The following LRP12 variants were observed in gnomAD, a reference collection of about 807,000 sequenced individuals.
LRP12 encodes the protein low-density lipoprotein receptor-related protein 12.
In LRP12, 14 loss-of-function variants were observed where a neutral mutation model predicts 66.0. The ratio of observed to expected loss-of-function variants is 0.21; its 90% CI spans 0.14 to 0.33. LRP12 has a LOEUF of 0.33. LRP12 is among the 10% of genes least tolerant of loss of function. LRP12 has a pLI of 1.00. For missense variants in LRP12, 889 were observed against 1,053.4 expected (o/e 0.84, Z 2.16); for synonymous variants, 357 against 359.1 (o/e 0.99, Z 0.07).
At chr8:104,570,571 C>A (rs1053460107) in intron 1 of LRP12, among the ~76,000 whole-genome samples, 7 of 152,080 alleles carry the variant, frequency 4.6e-5, no homozygotes, top group African/African-American at 1.7e-4. Flanking sequence ...GGTGGTTATC[C>A]ATATGCAAAA....
chr8:104,496,236 C>T (rs2140831197), intron 5 of LRP12: 1 of 152,324 alleles, frequency 6.6e-6, no homozygotes, highest in African/African-American at 2.4e-5. Context: ...TACAACAGGA[C>T]ATTAGTCTTG....
chr8:104,524,576 G>T (rs900829822), intron 2 of LRP12, among the ~76,000 whole-genome samples: 1 of 152,042 alleles, frequency 6.6e-6, no homozygotes, highest in Non-Finnish European at 1.5e-5. Context: ...AAGGCTAAGG[G>T]AAAAATGTAC....
chr8:104,571,569 G>A (rs910360036), intron 1 of LRP12, among the ~76,000 whole-genome samples: 1 of 152,100 alleles, frequency 6.6e-6, no homozygotes, highest in East Asian at 1.9e-4. Context: ...TGTGAAGAAG[G>A]TGCCTTACTT....
In LRP12 at chr8:104,497,706, T is replaced by C. The variant is rs754623457; in HGVS notation, c.846A>G (p.Gly282=). Reference sequence around the variant, plus strand: ...TGTCTATTAACCAGGTGCAATTGCTTCCAGGAGGATAAAAGTCTGGATAAT... The same window carrying C: ...TGTCTATTAACCAGGTGCAATTGCTCCCAGGAGGATAAAAGTCTGGATAAT... The part of the protein sequence containing the change: ...SPNYPDFYPP[G]SNCTWLIDTG... The change falls in exon 5 of 7, where the codon GGA becomes GGG. Residue 282 remains glycine (G), a synonymous_variant. Transcript: ENST00000276654. This position sits in a 1 kb window ranked among gnomAD's most constrained non-coding sequence, Gnocchi z 4.3. The C allele has an allele frequency of 1.7e-5, 27 of 1,613,844 alleles. No homozygotes were observed. The South Asian group carries it at 2.6e-4, about 16-fold the overall frequency.
chr8:104,565,354 CAAATAG>C (rs1434842756), intron 1 of LRP12, among the ~76,000 whole-genome samples: 4 of 152,092 alleles, frequency 2.6e-5, no homozygotes, highest in South Asian at 2.1e-4. Context: ...CTGTAAACTC[CAAATAG>C]AAATAGGAAA....
chr8:104,547,074 T>A (rs1289122754), intron 1 of LRP12, among the ~76,000 whole-genome samples: 1 of 145,434 alleles, frequency 6.9e-6, no homozygotes, highest in African/African-American at 2.5e-5. Flanking sequence ...TTGTATACAA[T>A]ATACAATTCT....
At chr8:104,549,284 C>T (rs75007469) in intron 1 of LRP12, among the ~76,000 whole-genome samples, 6,168 of 152,090 alleles carry the variant, frequency 0.041, 191 homozygotes, top group South Asian at 0.075. Context: ...TCATTTACTC[C>T]TGAACCCTCC....
At chr8:104,575,256 G>C (rs1812147801) in intron 1 of LRP12, among the ~76,000 whole-genome samples, 1 of 152,236 alleles carries the variant, frequency 6.6e-6, no homozygotes, top group East Asian at 1.9e-4. Context: ...AGTGTGACTA[G>C]AGCCCCAAGC....
chr8:104,547,587 T>TTTA (rs1564141407), intron 1 of LRP12, among the ~76,000 whole-genome samples: 16 of 120,634 alleles, frequency 1.3e-4, no homozygotes, highest in Non-Finnish European at 9.6e-5. Flanking sequence ...TATATTAATA[T>TTTA]ATAATATATA....
At chr8:104,544,495 T>C (rs1000751234) in intron 1 of LRP12, among the ~76,000 whole-genome samples, 9 of 152,124 alleles carry the variant, frequency 5.9e-5, no homozygotes, top group Non-Finnish European at 8.8e-5. Context: ...AGAGAAGATA[T>C]CAATGCCTGG....
intron 1 of LRP12, chr8:104,566,022 A>G (rs759157180): frequency 1.6e-5 from 3 of 189,222 alleles, no homozygotes; most frequent in African/African-American, 2.4e-5. Flanking sequence ...ACGCAGCAAA[A>G]TAAAATTCAG....
chr8:104,531,759 T>A (rs1811327791), intron 2 of LRP12, 148 bp downstream of exon 2: 1 of 567,682 alleles, frequency 1.8e-6, no homozygotes, highest in Non-Finnish European at 3.2e-6. Context: ...AATTTCTCCA[T>A]GTTCCAGTTA....
chr8:104,535,199 A>G (rs1226776947), intron 1 of LRP12, among the ~76,000 whole-genome samples: 1 of 151,988 alleles, frequency 6.6e-6, no homozygotes, highest in Non-Finnish European at 1.5e-5. Flanking sequence ...TGGTCTCACT[A>G]AACACCAAGA....
intron 3 of LRP12, among the ~76,000 whole-genome samples, chr8:104,503,098 G>A (rs1810853184): frequency 6.6e-6 from 1 of 151,982 alleles, no homozygotes; most frequent in Non-Finnish European, 1.5e-5. Context: ...TTTGCTTTAT[G>A]TTTAGTGCAT....
At chr8:104,544,039 G>C (rs1323606698) in intron 1 of LRP12, among the ~76,000 whole-genome samples, 1 of 152,116 alleles carries the variant, frequency 6.6e-6, no homozygotes, top group Non-Finnish European at 1.5e-5. Context: ...AAAAGAAAAA[G>C]TTTCTAAAAG....
chr8:104,544,098 A>G (rs1811519538), intron 1 of LRP12, among the ~76,000 whole-genome samples: 1 of 152,232 alleles, frequency 6.6e-6, no homozygotes, highest in Admixed American at 6.5e-5. Context: ...AGAAAGCAAA[A>G]CAACCTTACT....
chr8:104,541,076 T>C lies in LRP12; in HGVS notation c.80-9113A>G, dbSNP rs192164850. On this transcript the variant is annotated intron_variant, in intron 1 of 6. Coordinates refer to ENST00000276654, the MANE Select transcript of LRP12 (RefSeq NM_013437.5). ...CCTTTGGGAGTTCAGTGTTTTTATA[T>C]GTTTAGACTTCCTGTAGTATTATGT... is the stretch of plus-strand genomic sequence containing the variant. Among the ~76,000 whole-genome samples, 21 of 152,344 alleles carry C rather than the reference T, an allele frequency of 1.4e-4. 1 individual carries two copies. The highest frequency in any genetic ancestry group is 4.4e-5 in the Non-Finnish European group (3 of 68,024).
At chr8:104,558,917 C>T (rs912683485) in intron 1 of LRP12, among the ~76,000 whole-genome samples, 1 of 152,190 alleles carries the variant, frequency 6.6e-6, no homozygotes, top group African/African-American at 2.4e-5. Context: ...TACCACCTTA[C>T]TCCTGCAAGA....
In LRP12 at chr8:104,588,964, A is replaced by ACGCTGACGC; in HGVS notation, c.-68_-67insGCGTCAGCG. The ACGCTGACGC allele has an allele frequency of 1.1e-6, 1 of 905,716 alleles. No individual in the cohort carries two copies. The highest frequency in any genetic ancestry group is 1.6e-6 in the Non-Finnish European group (1 of 637,496). 56.1% of individuals were successfully genotyped at this position (905,716 alleles called of 1,614,324 possible). Reference sequence around the variant, plus strand: ...AGGGAGGAGAAGCTGGAGGTAGACGACGCCGACGCCGCCGCCGCCGCCGCC... The same window carrying ACGCTGACGC: ...AGGGAGGAGAAGCTGGAGGTAGACGACGCTGACGCCGCCGACGCCGCCGCCGCCGCCGCC... On this transcript the variant is annotated 5_prime_UTR_variant, in exon 1 of 7. Coordinates refer to ENST00000276654, the MANE Select transcript of LRP12 (RefSeq NM_013437.5).
Sources: allele counts gnomAD v4.1 joint callset (sites outside exome capture counted in the v4.1 genomes callset), GRCh38; gene constraint gnomAD v4.1.1; non-coding constraint Gnocchi (gnomAD v3.1); transcripts MANE v1.5; gene names NCBI Gene and HGNC (gene_info 2026-07-23, HGNC 2026-07-21).